The following RPRD2 variants were observed in gnomAD, a reference collection of about 807,000 sequenced individuals.
RPRD2 encodes the protein regulation of nuclear pre-mRNA domain-containing protein 2.
In RPRD2, 12 loss-of-function variants were observed where a neutral mutation model predicts 104.4. That is an observed-to-expected ratio of 0.11 (90% CI 0.07 to 0.19). The LOEUF is 0.19. Ranked by LOEUF, RPRD2 falls within the 10% of genes least tolerant of loss-of-function variation. The pLI is 1.00. For synonymous variants in RPRD2, 714 were observed against 684.9 expected, an observed-to-expected ratio of 1.04 and a Z score of -0.66; for missense variants, 1,543 against 1,790.1, an observed-to-expected ratio of 0.86 and a Z score of 2.49.
At chr1:150,439,207 A>G (rs1235905718) in intron 2 of RPRD2, among the ~76,000 whole-genome samples, 1 of 152,170 alleles carries the variant, frequency 6.6e-6, no homozygotes, top group Non-Finnish European at 1.5e-5. Flanking sequence ...CCAAATGGAG[A>G]TTTACAAGAT....
At chr1:150,426,008 G>A (rs1178550717) in intron 2 of RPRD2, among the ~76,000 whole-genome samples, 1 of 152,206 alleles carries the variant, frequency 6.6e-6, no homozygotes. Context: ...GGCTGAAGCA[G>A]GAGGATCGCT....
chr1:150,441,997 T>C, intron 4 of RPRD2, 39 bp downstream of exon 4: 1 of 1,461,670 alleles, frequency 6.8e-7, no homozygotes, highest in Non-Finnish European at 9.5e-7. Flanking sequence ...AATTACCTCC[T>C]CTTTTTGGAG....
rs1268251253 is a variant in RPRD2, at chr1:150,472,535, C to G, written c.3587C>G (p.Pro1196Arg). 7.4e-6 allele frequency: 12 copies of G among 1,613,976 alleles called. No individual in the cohort carries two copies. Among genetic ancestry groups the G allele is most frequent in the Non-Finnish European group, 9.3e-6 (11 of 1,179,878 alleles). The change falls in exon 11 of 11, where the codon CCA becomes CGA. Residue 1196 changes from proline to arginine, a missense_variant. Pro to Arg is a moderately radical substitution (Grantham distance 103). Around this residue, in one of 4 missense-constraint regions of RPRD2, gnomAD observed 880 missense variants for 885.6 expected, o/e 0.99. Coordinates refer to ENST00000369068, the MANE Select transcript of RPRD2 (RefSeq NM_015203.5). The stretch of plus-strand genomic sequence containing the variant: ...TCAACATTTGAGCATCATCTTCCCC[C>G]ATCCCCCTTGGAACATGGGACACCC... ...FNSTFEHHLP[P>R]SPLEHGTPFQ...
chr1:150,365,750 C>T (rs1365210335), intron 1 of RPRD2, among the ~76,000 whole-genome samples: 1 of 151,992 alleles, frequency 6.6e-6, no homozygotes, highest in African/African-American at 2.4e-5. Context: ...CCACCATGTC[C>T]GGCTAATTAT....
Position 150,372,176 on chromosome 1 carries a change from C to T in RPRD2, c.205+7257C>T, listed in dbSNP as rs754893964. 4.9e-4 allele frequency among the ~76,000 whole-genome samples: 74 copies of T among 152,116 alleles called. 1 individual carries two copies. The highest frequency in any genetic ancestry group is 1.8e-4 in the Non-Finnish European group (12 of 68,042). On this transcript the variant is annotated intron_variant, in intron 1 of 10. Transcript: ENST00000369068. Reference sequence around the variant, plus strand: ...AGTAATACAGGTGGGTAGATACAGACCCTAACTTTGAGCTCTAAGATGAAA... The same window carrying T: ...AGTAATACAGGTGGGTAGATACAGATCCTAACTTTGAGCTCTAAGATGAAA...
intron 2 of RPRD2, among the ~76,000 whole-genome samples, chr1:150,437,239 C>T (rs1158169768): frequency 2.6e-5 from 4 of 152,090 alleles, no homozygotes; most frequent in African/African-American, 9.7e-5. Flanking sequence ...CTTTTAACAC[C>T]TGTAATCCCA....
intron 1 of RPRD2, among the ~76,000 whole-genome samples, chr1:150,394,924 T>C (rs782462499): frequency 2.0e-5 from 3 of 152,202 alleles, no homozygotes; most frequent in Non-Finnish European, 2.9e-5. Flanking sequence ...TACAAAAGGC[T>C]AACAAAACAA....
At chr1:150,421,951 T>A (rs1199509562) in intron 2 of RPRD2, among the ~76,000 whole-genome samples, 2 of 152,018 alleles carry the variant, frequency 1.3e-5, no homozygotes, top group African/African-American at 4.8e-5. Context: ...CACTCCACAC[T>A]CCAGCCTGGG....
intron 1 of RPRD2, among the ~76,000 whole-genome samples, chr1:150,395,744 C>T (rs1377082515): frequency 6.6e-6 from 1 of 152,026 alleles, no homozygotes; most frequent in Non-Finnish European, 1.5e-5. Context: ...CTCCTGACCT[C>T]GTGATCTGCC....
At chr1:150,457,786 C>G (rs1439589317) in intron 8 of RPRD2, among the ~76,000 whole-genome samples, 1 of 152,132 alleles carries the variant, frequency 6.6e-6, no homozygotes, top group African/African-American at 2.4e-5. Flanking sequence ...ATGCTAGCTA[C>G]TAGGCCATGG....
At chr1:150,407,890 A>C (rs1243803266) in intron 1 of RPRD2, among the ~76,000 whole-genome samples, 1 of 151,962 alleles carries the variant, frequency 6.6e-6, no homozygotes, top group Non-Finnish European at 1.5e-5. Context: ...GATCTAATCT[A>C]AACTAGTTAT....
chr1:150,368,281 T>A (rs1347891013), intron 1 of RPRD2, among the ~76,000 whole-genome samples: 2 of 150,080 alleles, frequency 1.3e-5, no homozygotes, highest in African/African-American at 4.9e-5. Flanking sequence ...TTATTTATTT[T>A]AAATTAATTT....
At chr1:150,463,198 G>A (rs1167936235) in intron 9 of RPRD2, among the ~76,000 whole-genome samples, 7 of 152,008 alleles carry the variant, frequency 4.6e-5, no homozygotes, top group Admixed American at 6.6e-5. Context: ...GTGGGATACC[G>A]TGTAGTCCCA....
chr1:150,465,576 A>G (rs1467624326), intron 10 of RPRD2, among the ~76,000 whole-genome samples: 3 of 152,082 alleles, frequency 2.0e-5, no homozygotes, highest in Non-Finnish European at 4.4e-5. Context: ...TCACATACCT[A>G]TCTGTCTATT....
At chr1:150,388,178 AT>A (rs1661744924) in intron 1 of RPRD2, among the ~76,000 whole-genome samples, 1 of 151,920 alleles carries the variant, frequency 6.6e-6, no homozygotes, top group African/African-American at 2.4e-5. Flanking sequence ...TTGGCCTCAT[AT>A]AGTGCTGGGA....
At chr1:150,402,717 A>C (rs1200391517) in intron 1 of RPRD2, among the ~76,000 whole-genome samples, 1 of 152,212 alleles carries the variant, frequency 6.6e-6, no homozygotes, top group South Asian at 2.1e-4. Flanking sequence ...CTGTAATCCC[A>C]GCACTTTGGG....
At chr1:150,451,177 C>A (rs1455179964) in intron 7 of RPRD2, among the ~76,000 whole-genome samples, 2 of 152,044 alleles carry the variant, frequency 1.3e-5, no homozygotes, top group African/African-American at 4.8e-5. Flanking sequence ...TTTGATATTT[C>A]TTTGTGATCA....
intron 1 of RPRD2, among the ~76,000 whole-genome samples, chr1:150,398,001 AT>A (rs782325072): frequency 7.4e-5 from 11 of 148,004 alleles, no homozygotes; most frequent in Non-Finnish European, 1.5e-4. Flanking sequence ...TTATTTATTT[AT>A]TTTGAGGCAG....
chr1:150,442,605 C>T (rs1287420199), intron 4 of RPRD2, among the ~76,000 whole-genome samples: 1 of 152,088 alleles, frequency 6.6e-6, no homozygotes, highest in Admixed American at 6.6e-5. Context: ...AAACGAGATA[C>T]TTGGGATGGT....
Sources: allele counts gnomAD v4.1 joint callset (sites outside exome capture counted in the v4.1 genomes callset), GRCh38; gene constraint gnomAD v4.1.1; regional missense constraint gnomAD v4.1.1; transcripts MANE v1.5; gene names NCBI Gene and HGNC (gene_info 2026-07-23, HGNC 2026-07-21).